Variants in HEMK2 observed in about 807,000 individuals in gnomAD.
HEMK2 encodes the protein methyltransferase HEMK2.
chr21:28,638,979 G>A, the HEMK2 span, among the ~76,000 whole-genome samples: 1 of 152,214 alleles, frequency 6.6e-6, no homozygotes. Context: ...CAAGAGAGGT[G>A]TAGTGGAGAG....
the HEMK2 span, among the ~76,000 whole-genome samples, chr21:28,752,664 T>A: frequency 6.6e-6 from 1 of 152,178 alleles, no homozygotes; most frequent in East Asian, 1.9e-4. Context: ...CAGGGACCAC[T>A]CTCAACTCAG....
At chr21:28,866,794 G>A in the HEMK2 span, among the ~76,000 whole-genome samples, 1,607 of 152,262 alleles carry the variant, frequency 0.011, 13 homozygotes, top group Middle Eastern at 0.02. Context: ...TTTGCAAAAT[G>A]TAGAGATTAG....
At chr21:28,682,839 A>G in the HEMK2 span, among the ~76,000 whole-genome samples, 10 of 152,104 alleles carry the variant, frequency 6.6e-5, no homozygotes, top group Non-Finnish European at 1.0e-4. Flanking sequence ...ACTCATAGGT[A>G]GGAATTGAAC....
chr21:28,585,109 A>ATC, the HEMK2 span, among the ~76,000 whole-genome samples: 1 of 152,124 alleles, frequency 6.6e-6, no homozygotes, highest in Non-Finnish European at 1.5e-5. Context: ...AGGCAGGTGG[A>ATC]TCACCTGAGG....
chr21:28,742,986 T>C, the HEMK2 span, among the ~76,000 whole-genome samples: 2 of 152,178 alleles, frequency 1.3e-5, no homozygotes, highest in African/African-American at 4.8e-5. Context: ...ATAGTAAATA[T>C]TAAAATTAAT....
At chr21:28,585,684 T>C in the HEMK2 span, among the ~76,000 whole-genome samples, 3 of 152,024 alleles carry the variant, frequency 2.0e-5, no homozygotes, top group African/African-American at 7.2e-5. Flanking sequence ...GTATGGACAA[T>C]ATGAGAGAAA....
chr21:28,813,359 CAAAGAGAAT>C, the HEMK2 span, among the ~76,000 whole-genome samples: 13,436 of 152,072 alleles, frequency 0.088, 812 homozygotes, highest in South Asian at 0.17. Context: ...ACAATTGCTA[CAAAGAGAAT>C]AAAATACCTA....
the HEMK2 span, among the ~76,000 whole-genome samples, chr21:28,766,081 A>G: frequency 6.6e-6 from 1 of 151,990 alleles, no homozygotes; most frequent in Non-Finnish European, 1.5e-5. Flanking sequence ...ACATGTTCTC[A>G]CTCATAAGCA....
the HEMK2 span, among the ~76,000 whole-genome samples, chr21:28,592,691 A>T: frequency 6.6e-6 from 1 of 152,244 alleles, no homozygotes; most frequent in South Asian, 2.1e-4. Context: ...TCACATAAAA[A>T]TATAAAATAC....
At chr21:28,847,013 T>C in the HEMK2 span, among the ~76,000 whole-genome samples, 1 of 152,162 alleles carries the variant, frequency 6.6e-6, no homozygotes. Context: ...ATATGTACCA[T>C]ATTTTCTTCA....
the HEMK2 span, among the ~76,000 whole-genome samples, chr21:28,831,618 A>G: frequency 7.4e-4 from 62 of 84,298 alleles, 3 homozygotes; most frequent in African/African-American, 2.5e-3. Flanking sequence ...AAAGAAGGAA[A>G]GAAGGAAAGA....
At chr21:28,828,054 C>A in the HEMK2 span, among the ~76,000 whole-genome samples, 1 of 152,206 alleles carries the variant, frequency 6.6e-6, no homozygotes, top group East Asian at 1.9e-4. Flanking sequence ...GGCTACAAGT[C>A]CTCCACTAGC....
chr21:28,695,813 T>A, the HEMK2 span, among the ~76,000 whole-genome samples: 1 of 146,782 alleles, frequency 6.8e-6, no homozygotes, highest in Non-Finnish European at 1.5e-5. Context: ...AGCATTAACT[T>A]AAAAGTCCAC....
the HEMK2 span, among the ~76,000 whole-genome samples, chr21:28,737,006 T>C: frequency 6.6e-6 from 1 of 152,114 alleles, no homozygotes; most frequent in African/African-American, 2.4e-5. Flanking sequence ...TAAAAGAGGC[T>C]CCCCATAAAC....
chr21:28,782,946 T>C, the HEMK2 span, among the ~76,000 whole-genome samples: 3 of 152,224 alleles, frequency 2.0e-5, no homozygotes, highest in Admixed American at 6.5e-5. Context: ...GACCAGTATG[T>C]AAAATGTTTT....
chr21:28,865,239 C>G, the HEMK2 span, among the ~76,000 whole-genome samples: 1 of 152,218 alleles, frequency 6.6e-6, no homozygotes, highest in East Asian at 1.9e-4. Flanking sequence ...AATCTCCACT[C>G]ACTGCAACCT....
At chr21:28,856,708 C>A in the HEMK2 span, among the ~76,000 whole-genome samples, 1 of 152,168 alleles carries the variant, frequency 6.6e-6, no homozygotes, top group African/African-American at 2.4e-5. Context: ...GGATCCCCCA[C>A]CCCTAGCCAA....
the HEMK2 span, among the ~76,000 whole-genome samples, chr21:28,776,207 T>C: frequency 9.7e-4 from 147 of 152,328 alleles, 1 homozygote; most frequent in African/African-American, 3.4e-3. Context: ...TAAGCAGCCC[T>C]AATTAGGATT....
chr21:28,778,994 C>T, the HEMK2 span, among the ~76,000 whole-genome samples: 2 of 152,142 alleles, frequency 1.3e-5, no homozygotes, highest in Admixed American at 1.3e-4. Context: ...TCCAGATCAA[C>T]CCAAAGGGAA....
Sources: gnomAD v4.1 joint callset for allele counts (sites outside exome capture counted in the v4.1 genomes callset) on GRCh38, gnomAD v4.1.1 for gene constraint, MANE v1.5 for transcripts, NCBI Gene and HGNC (gene_info 2026-07-23, HGNC 2026-07-21) for gene names.